DSG2: variants seen among roughly 807,000 people sequenced by gnomAD.
DSG2 encodes desmoglein-2.
Under a neutral mutation model 75.6 loss-of-function variants are expected in DSG2, and 45 were observed. The ratio of observed to expected loss-of-function variants is 0.60; its 90% CI spans 0.47 to 0.76. The LOEUF is 0.76. Among genes scored for constraint, DSG2 ranks in the 30% least tolerant of loss-of-function variants. DSG2 has a pLI of 0.00. For missense variants in DSG2, 1,267 were observed against 1,357.4 expected (o/e 0.93, Z 1.05); for synonymous variants, 429 against 483.9 (o/e 0.89, Z 1.49).
intron 1 of DSG2, among the ~76,000 whole-genome samples, chr18:31,502,243 G>A (rs1390768713): frequency 1.3e-5 from 2 of 152,170 alleles, no homozygotes; most frequent in African/African-American, 4.8e-5. Context: ...GTGTGTGAGT[G>A]TAGTGAGCCC....
chr18:31,508,730 A>G (rs1184838435), intron 1 of DSG2, among the ~76,000 whole-genome samples: 1 of 152,140 alleles, frequency 6.6e-6, no homozygotes, highest in Non-Finnish European at 1.5e-5. Flanking sequence ...TTTAGAACAC[A>G]TCTTTTCACA....
At chr18:31,517,613 CAGAA>C (rs1277648069) in intron 1 of DSG2, among the ~76,000 whole-genome samples, 15 of 151,992 alleles carry the variant, frequency 9.9e-5, no homozygotes, top group African/African-American at 3.4e-4. Context: ...GCAAAATATT[CAGAA>C]AGCAAGATGG....
In DSG2 at chr18:31,498,329, G is replaced by T. The variant is rs756119657; in HGVS notation, c.45+33G>T. On this transcript the variant is annotated intron_variant, in intron 1 of 14. Transcript: ENST00000261590. ...CCGCAAGCGGGACAGGGGAGCCACC[G>T]CCGGGGAGGGCGTCGGTAGGCGAGG... 4.9e-5 allele frequency: 62 copies of T among 1,253,416 alleles called. No individual in the cohort carries two copies. The East Asian group carries it at 1.6e-3, about 33-fold the overall frequency. 77.6% of individuals were successfully genotyped at this position (1,253,416 alleles called of 1,614,324 possible). A position where few individuals can be genotyped will look rare whatever the true frequency, so the allele number is the denominator to read the frequency against.
chr18:31,533,193 G>A (rs1381596824), intron 9 of DSG2, among the ~76,000 whole-genome samples: 3 of 152,170 alleles, frequency 2.0e-5, no homozygotes, highest in Non-Finnish European at 2.9e-5. Flanking sequence ...AAGGGGCTGG[G>A]TGTGGTGGGT....
Position 31,542,792 on chromosome 18 carries a change from C to T in DSG2, c.2274C>T (p.Ala758=), listed in dbSNP as rs778950229. 11 of 1,598,986 alleles carry T rather than the reference C, an allele frequency of 6.9e-6. No homozygotes were observed. Among genetic ancestry groups the T allele is most frequent in the African/African-American group, 1.4e-5 (1 of 72,202 alleles). Residue 758 remains alanine, a synonymous_variant, in exon 14 of 15, where the codon GCC becomes GCT. Coordinates refer to ENST00000261590, the MANE Select transcript of DSG2 (RefSeq NM_001943.5). The stretch of plus-strand genomic sequence containing the variant: ...CCACAGGGGCTTCCAGAGACATGGC[C>T]GGAGCTCAGGCAGCTGCTGTTGCAC... The part of the protein sequence containing the change: ...ARATGASRDM[A]GAQAAAVALN...
At chr18:31,531,888 A>G (rs2073201058) in intron 9 of DSG2, among the ~76,000 whole-genome samples, 2 of 152,214 alleles carry the variant, frequency 1.3e-5, no homozygotes, top group African/African-American at 4.8e-5. Flanking sequence ...TCAAATTTTC[A>G]AAGTAAATTT....
intron 1 of DSG2, among the ~76,000 whole-genome samples, chr18:31,515,348 G>A (rs555277724): frequency 4.0e-4 from 61 of 152,026 alleles, no homozygotes; most frequent in Admixed American, 2.0e-3. Flanking sequence ...CTCATGATCC[G>A]CCTGCCTCGG....
rs771429752 is a variant in DSG2, at chr18:31,546,211, C to T, written c.2825C>T (p.Thr942Ile). ...NVIATETSYV[T>I]GSTMPPTTVI... ...ATAGCAACAGAAACTTCCTATGTCA[C>T]AGGGTCCACTATGCCACCAACCACT... The change falls in exon 15 of 15, where the codon ACA (threonine) becomes ATA (isoleucine). Residue 942 changes from threonine (T) to isoleucine (I), a missense_variant. Thr to Ile is a moderately conservative substitution (Grantham distance 89). Coordinates refer to ENST00000261590, the MANE Select transcript of DSG2 (RefSeq NM_001943.5). 5.0e-6 allele frequency: 8 copies of T among 1,613,010 alleles called. No homozygotes were observed. The highest frequency in any genetic ancestry group is 5.9e-6 in the Non-Finnish European group (7 of 1,179,314).
In DSG2 at chr18:31,524,558, C is replaced by T; in HGVS notation, c.801C>T (p.Asp267=). 1 of 1,613,992 alleles carries T rather than the reference C, an allele frequency of 6.2e-7. No individual in the cohort carries two copies. The highest frequency in any genetic ancestry group is 8.5e-7 in the Non-Finnish European group (1 of 1,179,948). The change falls in exon 7 of 15, where the codon GAC becomes GAT. Residue 267 remains aspartate (D), a synonymous_variant. Transcript: ENST00000261590. Reference sequence around the variant, plus strand: ...AGATTCGTATTTTGGATGTCAATGACAATATACCTGTAGTAGAAAATAAAG... The same window carrying T: ...AGATTCGTATTTTGGATGTCAATGATAATATACCTGTAGTAGAAAATAAAG... ...QVQIRILDVN[D]NIPVVENKVL...
In DSG2 at chr18:31,498,224, G is replaced by A. The variant is rs1187255131; in HGVS notation, c.-28G>A. ...GGCAGGCGGCGGCGCGGAGCGGTGCGGCGGCGGGAGGCGGAGGCGAGGGTG... is the reference window on the plus strand; with the variant it reads ...GGCAGGCGGCGGCGCGGAGCGGTGCAGCGGCGGGAGGCGGAGGCGAGGGTG... On this transcript the variant is annotated 5_prime_UTR_variant, in exon 1 of 15. Transcript: ENST00000261590. 8.0e-7 allele frequency: 1 copy of A among 1,249,534 alleles called. No homozygotes were observed. The highest frequency in any genetic ancestry group is 1.6e-5 in the African/African-American group (1 of 64,332). 77.4% of individuals were successfully genotyped at this position (1,249,534 alleles called of 1,614,324 possible).
chr18:31,509,024 C>A (rs1165857412), intron 1 of DSG2, among the ~76,000 whole-genome samples: 1 of 151,890 alleles, frequency 6.6e-6, no homozygotes, highest in East Asian at 1.9e-4. Flanking sequence ...CTGTTAACAT[C>A]CCAATTAGAA....
At chr18:31,534,187 C>T (rs1316838832) in intron 9 of DSG2, among the ~76,000 whole-genome samples, 1 of 152,026 alleles carries the variant, frequency 6.6e-6, no homozygotes, top group African/African-American at 2.4e-5. Context: ...GGGGTTTTAA[C>T]CTGTTGGTCA....
intron 1 of DSG2, among the ~76,000 whole-genome samples, chr18:31,509,748 T>G (rs1004556615): frequency 1.1e-4 from 16 of 152,334 alleles, no homozygotes; most frequent in African/African-American, 2.6e-4. Context: ...CTGGGTCACT[T>G]GAACTCTTCT....
In DSG2 at chr18:31,521,239, A is replaced by G. The variant is rs777634918; in HGVS notation, c.519A>G (p.Ala173=). 1.9e-6 allele frequency: 3 copies of G among 1,606,280 alleles called. No individual in the cohort carries two copies. The highest frequency in any genetic ancestry group is 2.5e-6 in the Non-Finnish European group (3 of 1,177,714). Residue 173 remains alanine, a synonymous_variant, in exon 5 of 15, where the codon GCA becomes GCG. Coordinates refer to ENST00000261590, the MANE Select transcript of DSG2 (RefSeq NM_001943.5). The stretch of plus-strand genomic sequence containing the variant: ...TTGGGTCTGTTGAAGAGTTGAGTGC[A>G]GCACGTAAGAGTCTTTTTTTTTTTT... ...VFVGSVEELS[A]AHTLVMKINA...
intron 9 of DSG2, 56 bp downstream of exon 9, chr18:31,531,308 T>C: frequency 1.3e-6 from 2 of 1,589,060 alleles, no homozygotes; most frequent in Non-Finnish European, 1.7e-6. Flanking sequence ...AGTGCCTATT[T>C]TCAAAAATCA....
At chr18:31,505,445 G>C (rs1386607601) in intron 1 of DSG2, among the ~76,000 whole-genome samples, 2 of 152,096 alleles carry the variant, frequency 1.3e-5, no homozygotes, top group African/African-American at 4.8e-5. Flanking sequence ...ATAGTAGTTT[G>C]ATCCTCCTAT....
chr18:31,519,811 C>G lies in DSG2; in HGVS notation c.90C>G (p.Ser30Arg), dbSNP rs2144313897. ...ATATTCTATTGTTATAGGTCTTAAGCACAAGAAATGAAAATAAGCTGCTTC... is the reference window on the plus strand; with the variant it reads ...ATATTCTATTGTTATAGGTCTTAAGGACAAGAAATGAAAATAAGCTGCTTC... ...VGSGLHLQVL[S>R]TRNENKLLPK... Residue 30 changes from serine (S) to arginine (R), a missense_variant, in exon 3 of 15, where the codon AGC (serine) becomes AGG (arginine). Transcript: ENST00000261590. 6.2e-7 allele frequency: 1 copy of G among 1,614,040 alleles called. No homozygotes were observed. Among genetic ancestry groups the G allele is most frequent in the African/African-American group, 1.3e-5 (1 of 75,018 alleles).
intron 4 of DSG2, 23 bp from the exon 5 acceptor site, chr18:31,521,076 T>C: frequency 1.2e-6 from 2 of 1,613,724 alleles, no homozygotes; most frequent in Non-Finnish European, 8.5e-7. Flanking sequence ...TTAAATCTAA[T>C]CTTATTTATG....
At chr18:31,543,616 A>T (rs2073284510) in intron 14 of DSG2, among the ~76,000 whole-genome samples, 1 of 152,258 alleles carries the variant, frequency 6.6e-6, no homozygotes. Context: ...CTGTGATCCC[A>T]GCACTCTGGG....
Sources: allele counts gnomAD v4.1 joint callset (sites outside exome capture counted in the v4.1 genomes callset), GRCh38; gene constraint gnomAD v4.1.1; transcripts MANE v1.5; gene names NCBI Gene and HGNC (gene_info 2026-07-23, HGNC 2026-07-21).